The following FGF14 variants were observed in gnomAD, a reference collection of about 807,000 sequenced individuals.
The protein encoded by FGF14 is fibroblast growth factor 14.
In FGF14, 5 loss-of-function variants were observed where a neutral mutation model predicts 25.5. The ratio of observed to expected loss-of-function variants is 0.20; its 90% CI spans 0.10 to 0.41. The LOEUF is 0.41. Among genes scored for constraint, FGF14 ranks in the 10% least tolerant of loss-of-function variants. FGF14 has a pLI of 1.00. For missense variants in FGF14, 222 were observed against 320.1 expected, an observed-to-expected ratio of 0.69 and a Z score of 2.34; for synonymous variants, 138 against 118.3, an observed-to-expected ratio of 1.17 and a Z score of -1.08.
intron 3 of FGF14, among the ~76,000 whole-genome samples, chr13:101,818,892 G>A (rs905807090): frequency 7.2e-5 from 11 of 151,866 alleles, no homozygotes; most frequent in African/African-American, 2.2e-4. Flanking sequence ...CCCAACATTC[G>A]TTCATCTATG....
intron 1 of FGF14, among the ~76,000 whole-genome samples, chr13:102,090,946 T>C (rs1216673645): frequency 1.3e-5 from 2 of 152,222 alleles, no homozygotes; most frequent in African/African-American, 2.4e-5. Flanking sequence ...CTCAGTTCTA[T>C]CATATTTGAA....
intron 1 of FGF14, among the ~76,000 whole-genome samples, chr13:102,245,186 T>C (rs1481610620): frequency 6.6e-6 from 1 of 152,064 alleles, no homozygotes; most frequent in African/African-American, 2.4e-5. Context: ...CAGTCATATC[T>C]ATACAAAGAC....
At chr13:101,944,167 C>T (rs1366678663) in intron 1 of FGF14, among the ~76,000 whole-genome samples, 1 of 152,060 alleles carries the variant, frequency 6.6e-6, no homozygotes, top group Non-Finnish European at 1.5e-5. Flanking sequence ...GCCAAAGAGG[C>T]ATGAATACTT....
At chr13:101,809,271 A>G (rs1368000421) in intron 3 of FGF14, among the ~76,000 whole-genome samples, 1 of 152,118 alleles carries the variant, frequency 6.6e-6, no homozygotes, top group African/African-American at 2.4e-5. Flanking sequence ...ATTCTAGAAT[A>G]TTATTTTTGT....
intron 1 of FGF14, among the ~76,000 whole-genome samples, chr13:102,101,432 G>T (rs542408364): frequency 4.6e-5 from 7 of 152,172 alleles, no homozygotes; most frequent in Admixed American, 1.3e-4. Flanking sequence ...AGGTAAAGAT[G>T]AGCAAGCAGA....
At chr13:102,361,689 C>T (rs1263228877) in intron 1 of FGF14, among the ~76,000 whole-genome samples, 1 of 152,108 alleles carries the variant, frequency 6.6e-6, no homozygotes, top group Admixed American at 6.6e-5. Context: ...GATTCGTTTC[C>T]AAACTTTTGT....
chr13:102,136,282 C>T (rs1476325263), intron 1 of FGF14, among the ~76,000 whole-genome samples: 2 of 152,094 alleles, frequency 1.3e-5, no homozygotes, highest in Non-Finnish European at 2.9e-5. Context: ...GGAACCCTTA[C>T]AGCAATCCTG....
chr13:101,723,089 A>G, intron 4 of FGF14, 122 bp from the exon 5 acceptor site: 1 of 1,122,824 alleles, frequency 8.9e-7, no homozygotes, highest in South Asian at 1.3e-5. Flanking sequence ...GAAGTAAAGC[A>G]ATTCCATTGA....
intron 1 of FGF14, among the ~76,000 whole-genome samples, chr13:102,121,653 C>T (rs2045732946): frequency 6.6e-6 from 1 of 152,058 alleles, no homozygotes. Flanking sequence ...TTGTATTTTG[C>T]TGTAAAAATA....
chr13:102,146,138 T>C (rs373067265), intron 1 of FGF14, among the ~76,000 whole-genome samples: 1 of 152,224 alleles, frequency 6.6e-6, no homozygotes, highest in Non-Finnish European at 1.5e-5. Flanking sequence ...CACTTCACAA[T>C]GACTATCAGT....
At chr13:101,972,404 G>C (rs2037653570) in intron 1 of FGF14, among the ~76,000 whole-genome samples, 1 of 152,178 alleles carries the variant, frequency 6.6e-6, no homozygotes, top group African/African-American at 2.4e-5. Flanking sequence ...GCGCCTGATG[G>C]CATGGACAAT....
intron 1 of FGF14, among the ~76,000 whole-genome samples, chr13:102,163,334 C>T (rs540562208): frequency 6.6e-6 from 1 of 152,016 alleles, no homozygotes; most frequent in Admixed American, 6.6e-5. Flanking sequence ...TATGGTCTAC[C>T]GGAAGAGGGG....
chr13:102,341,343 T>C (rs1450521074), intron 1 of FGF14, among the ~76,000 whole-genome samples: 2 of 152,194 alleles, frequency 1.3e-5, no homozygotes, highest in African/African-American at 4.8e-5. Flanking sequence ...TTTGGGTTCC[T>C]GCTTCATTCC....
intron 3 of FGF14, among the ~76,000 whole-genome samples, chr13:101,846,864 G>A (rs1303549011): frequency 6.6e-6 from 1 of 152,040 alleles, no homozygotes; most frequent in Non-Finnish European, 1.5e-5. Flanking sequence ...GAAGACAGAA[G>A]GGCTTAGAGG....
chr13:102,058,031 T>C (rs2042513949), intron 1 of FGF14, among the ~76,000 whole-genome samples: 2 of 152,304 alleles, frequency 1.3e-5, no homozygotes, highest in Admixed American at 6.5e-5. Flanking sequence ...GCTAAGAACA[T>C]GTTCAAGGCA....
chr13:102,055,238 T>G (rs1256702605), intron 1 of FGF14, among the ~76,000 whole-genome samples: 2 of 152,258 alleles, frequency 1.3e-5, no homozygotes, highest in South Asian at 2.1e-4. Context: ...CTCCAATACA[T>G]GCTGAGGCTC....
At chr13:101,812,060 G>T (rs1323185) in intron 3 of FGF14, among the ~76,000 whole-genome samples, 7,456 of 152,200 alleles carry the variant, frequency 0.049, 280 homozygotes, top group East Asian at 0.16. Flanking sequence ...ATTTATCACT[G>T]AACAGTTAGA....
intron 1 of FGF14, among the ~76,000 whole-genome samples, chr13:101,952,236 G>GC (rs2036213345): frequency 6.6e-6 from 1 of 152,066 alleles, no homozygotes; most frequent in Non-Finnish European, 1.5e-5. Flanking sequence ...GTCTTGGAAA[G>GC]GATTCCAAGT....
intron 1 of FGF14, among the ~76,000 whole-genome samples, chr13:101,884,915 GC>G (rs1021404026): frequency 2.0e-5 from 3 of 151,944 alleles, no homozygotes; most frequent in Middle Eastern, 3.4e-3. Context: ...GGCAAACGCT[GC>G]CCCTTTCTTC....
Sources: gnomAD v4.1 joint callset for allele counts (sites outside exome capture counted in the v4.1 genomes callset) on GRCh38, gnomAD v4.1.1 for gene constraint, MANE v1.5 for transcripts, NCBI Gene and HGNC (gene_info 2026-07-23, HGNC 2026-07-21) for gene names.